Variants in INTS8 observed in about 807,000 individuals in gnomAD.
INTS8 encodes the protein integrator complex subunit 8, also known as protein kaonashi-1.
A neutral mutation model predicts 138.9 loss-of-function variants in INTS8; 47 were observed. The ratio of observed to expected loss-of-function variants is 0.34; its 90% CI spans 0.27 to 0.43. The LOEUF is 0.43. INTS8 is among the 20% of genes least tolerant of loss of function. The pLI is 1.00. For missense variants in INTS8, 996 were observed against 1,173.0 expected (o/e 0.85, Z 2.20); for synonymous variants, 392 against 400.9 (o/e 0.98, Z 0.27).
At chr8:94,856,105 A>C (rs962369482) in intron 14 of INTS8, among the ~76,000 whole-genome samples, 2 of 152,212 alleles carry the variant, frequency 1.3e-5, no homozygotes, top group Non-Finnish European at 2.9e-5. Flanking sequence ...TAGAATAGCT[A>C]GGGGAAAAGA....
intron 22 of INTS8, 109 bp from the exon 23 acceptor site, chr8:94,874,443 C>T (rs1223546774): frequency 7.3e-6 from 5 of 688,714 alleles, no homozygotes; most frequent in Non-Finnish European, 1.1e-5. Flanking sequence ...ATATATCCCC[C>T]GTTCCTCCAC....
intron 16 of INTS8, 45 bp from the exon 17 acceptor site, chr8:94,865,461 G>A (rs769793909): frequency 2.7e-6 from 4 of 1,492,742 alleles, no homozygotes; most frequent in Admixed American, 1.7e-5. Context: ...TAATGTGCAC[G>A]ACATTACAGA....
intron 17 of INTS8, 62 bp downstream of exon 17, chr8:94,865,752 TA>T: frequency 3.6e-6 from 5 of 1,371,630 alleles, no homozygotes; most frequent in Non-Finnish European, 5.1e-6. Flanking sequence ...CTATTTATAC[TA>T]TTAACCTATT....
rs568007108 is a variant in INTS8, at chr8:94,827,879, A to C, written c.518+86A>C. 507 of 1,079,314 alleles carry C rather than the reference A, an allele frequency of 4.7e-4. 1 individual carries two copies. Among genetic ancestry groups the C allele is most frequent in the Non-Finnish European group, 6.7e-4 (463 of 696,156 alleles). 66.9% of individuals were successfully genotyped at this position (1,079,314 alleles called of 1,614,324 possible). A position where few individuals can be genotyped will look rare whatever the true frequency, so the allele number is the denominator to read the frequency against. On this transcript the variant is annotated intron_variant, in intron 4 of 26. Coordinates refer to ENST00000523731, the MANE Select transcript of INTS8 (RefSeq NM_017864.4). ...GCAAGTTTTTAATAACCTCTGTTAT[A>C]GAAGAAGTAGAGCAGGAATAGGAGG...
Position 94,873,371 on chromosome 8 carries a change from C to T in INTS8, c.2534-3C>T. On this transcript the variant is annotated splice_region_variant and splice_polypyrimidine_tract_variant and intron_variant, in intron 21 of 26. Transcript: ENST00000523731. ...ATGCTTTATGTCTGTTTTTCTGTTT[C>T]AGCAACGAATCAGTATTCAGCAGCT... 1.2e-6 allele frequency: 2 copies of T among 1,607,488 alleles called. No homozygotes were observed. The highest frequency in any genetic ancestry group is 1.7e-6 in the Non-Finnish European group (2 of 1,173,974).
At chr8:94,879,615 CA>C (rs1209698156) in intron 26 of INTS8, among the ~76,000 whole-genome samples, 13 of 140,870 alleles carry the variant, frequency 9.2e-5, no homozygotes, top group Non-Finnish European at 1.4e-4. Flanking sequence ...AAAAAACAAA[CA>C]AAAAAAAACC....
chr8:94,846,246 T>C (rs1815328737), intron 10 of INTS8, among the ~76,000 whole-genome samples: 1 of 152,196 alleles, frequency 6.6e-6, no homozygotes, highest in Middle Eastern at 3.2e-3. Context: ...ATTTTGTTTA[T>C]TCCTTTTCTA....
chr8:94,871,254 G>T (rs896666052), intron 20 of INTS8, among the ~76,000 whole-genome samples: 1 of 151,586 alleles, frequency 6.6e-6, no homozygotes, highest in Non-Finnish European at 1.5e-5. Flanking sequence ...ATTGGCTGAG[G>T]CCAGGAGTTT....
intron 18 of INTS8, 73 bp downstream of exon 18, chr8:94,866,264 C>T: frequency 1.3e-6 from 1 of 781,154 alleles, no homozygotes; most frequent in Non-Finnish European, 2.3e-6. Flanking sequence ...TTATTGGGTA[C>T]TTCAAATACT....
intron 23 of INTS8, among the ~76,000 whole-genome samples, chr8:94,875,762 A>C (rs1816545095): frequency 6.6e-6 from 1 of 152,092 alleles, no homozygotes; most frequent in South Asian, 2.1e-4. Context: ...TTAATTGCAC[A>C]CTCTGTATGT....
intron 8 of INTS8, among the ~76,000 whole-genome samples, chr8:94,840,390 TA>T (rs1251811048): frequency 6.6e-6 from 1 of 152,204 alleles, no homozygotes; most frequent in Non-Finnish European, 1.5e-5. Context: ...CTCCTCTCGT[TA>T]ACACCCTTTC....
At chr8:94,828,281 T>A (rs1044349076) in intron 4 of INTS8, among the ~76,000 whole-genome samples, 18 of 152,176 alleles carry the variant, frequency 1.2e-4, no homozygotes, top group Non-Finnish European at 1.0e-4. Context: ...CCTCAGGTGA[T>A]CCACCCGCCT....
chr8:94,872,674 C>A (rs908973019), intron 21 of INTS8, among the ~76,000 whole-genome samples: 2 of 152,148 alleles, frequency 1.3e-5, no homozygotes, highest in African/African-American at 4.8e-5. Flanking sequence ...CCCCATTACT[C>A]CTCTGCTGGG....
intron 18 of INTS8, chr8:94,866,724 A>G (rs928955830): frequency 5.8e-6 from 1 of 173,322 alleles, no homozygotes; most frequent in Admixed American, 6.1e-5. Context: ...ATTTCTTTAA[A>G]TTGTAAAGAA....
intron 8 of INTS8, among the ~76,000 whole-genome samples, chr8:94,839,082 T>G (rs1288013624): frequency 6.6e-6 from 1 of 152,170 alleles, no homozygotes; most frequent in Non-Finnish European, 1.5e-5. Context: ...GTAGCCCAGC[T>G]TTAGTAGCCC....
chr8:94,849,106 T>A (rs1183766650), intron 10 of INTS8, among the ~76,000 whole-genome samples: 5 of 152,108 alleles, frequency 3.3e-5, no homozygotes, highest in African/African-American at 4.8e-5. Context: ...GTTTTAAAAA[T>A]TTTTTATTTT....
intron 10 of INTS8, among the ~76,000 whole-genome samples, chr8:94,845,298 G>T (rs974636236): frequency 1.3e-5 from 2 of 152,016 alleles, no homozygotes; most frequent in African/African-American, 4.8e-5. Context: ...TTACTGAAAG[G>T]TTAATTTTTT....
chr8:94,868,197 T>C (rs1047029163), intron 20 of INTS8, among the ~76,000 whole-genome samples: 1 of 152,186 alleles, frequency 6.6e-6, no homozygotes, highest in Non-Finnish European at 1.5e-5. Flanking sequence ...GAAGAAATCA[T>C]GTACATTTTT....
chr8:94,872,290 G>A (rs1816425394), intron 21 of INTS8, among the ~76,000 whole-genome samples: 1 of 152,058 alleles, frequency 6.6e-6, no homozygotes, highest in Non-Finnish European at 1.5e-5. Flanking sequence ...CTGGAGTGAA[G>A]TGGCACGATC....
Sources: gnomAD v4.1 joint callset for allele counts (sites outside exome capture counted in the v4.1 genomes callset) on GRCh38, gnomAD v4.1.1 for gene constraint, MANE v1.5 for transcripts, NCBI Gene and HGNC (gene_info 2026-07-23, HGNC 2026-07-21) for gene names.